The following UPRT variants were observed in gnomAD, a reference collection of about 807,000 sequenced individuals.
UPRT encodes RP11-311P8.3.
Under a neutral mutation model 22.6 loss-of-function variants are expected in UPRT, and 5 were observed. The observed-to-expected ratio is 0.22, with a 90% CI of 0.12 to 0.47. UPRT has a LOEUF of 0.47. Among genes scored for constraint, UPRT ranks in the 20% least tolerant of loss-of-function variants. UPRT has a pLI of 0.99. For missense variants in UPRT, 181 were observed against 239.9 expected (o/e 0.75, Z 1.62); for synonymous variants, 77 against 87.7 (o/e 0.88, Z 0.68).
intron 4 of UPRT, among the ~76,000 whole-genome samples, chrX:75,239,429 A>T (rs1013777896): frequency 6.3e-5 from 7 of 111,265 alleles, no homozygotes; most frequent in Non-Finnish European, 1.3e-4. Flanking sequence ...TATACCAATA[A>T]TAAGTAGCAA....
At chrX:75,191,403 C>A (rs1174330661) in intron 4 of UPRT, among the ~76,000 whole-genome samples, 2 of 111,929 alleles carry the variant, frequency 1.8e-5, no homozygotes, top group Non-Finnish European at 3.8e-5. Flanking sequence ...GGGTGCTTCC[C>A]AGTTAGGCTA....
intron 2 of UPRT, chrX:75,294,706 TA>T: frequency 1.7e-6 from 1 of 604,734 alleles, no homozygotes; most frequent in Non-Finnish European, 2.1e-6. Context: ...AGTAACAAGA[TA>T]AATGTGGTTG....
chrX:75,239,092 A>G (rs989837793), intron 4 of UPRT, among the ~76,000 whole-genome samples: 6 of 111,424 alleles, frequency 5.4e-5, no homozygotes, highest in African/African-American at 1.6e-4. Flanking sequence ...ACCCAGCAGA[A>G]GAAAAGCAGT....
Position 75,156,849 on chromosome X carries a change from GC to G in UPRT, c.-737+300del. 1.0e-5 allele frequency: 3 copies of G among 291,455 alleles called. No homozygotes were observed. The East Asian group carries it at 3.0e-4, about 29-fold the overall frequency. 24.0% of individuals were successfully genotyped at this position (291,455 alleles called of 1,213,427 possible). A position where few individuals can be genotyped will look rare whatever the true frequency, so the allele number is the denominator to read the frequency against. On this transcript the variant is annotated intron_variant, in intron 1 of 13. Transcript: ENST00000652605. ...TTAACTTTGCTGATTGTTCTCTGTT[GC>G]GCAAACCTTGGGGCAGTTTTCCTTT... is the stretch of plus-strand genomic sequence containing the variant.
chrX:75,173,175 C>T (rs966413914), intron 4 of UPRT, among the ~76,000 whole-genome samples: 1 of 112,126 alleles, frequency 8.9e-6, no homozygotes, highest in Non-Finnish European at 1.9e-5. Context: ...CACAGAGTGT[C>T]GATTGGTGCA....
intron 4 of UPRT, among the ~76,000 whole-genome samples, chrX:75,233,790 A>C (rs2082448860): frequency 9.0e-6 from 1 of 111,583 alleles, no homozygotes; most frequent in African/African-American, 3.3e-5. Context: ...AGGAAGCACT[A>C]AACATGGAAA....
At chrX:75,231,944 G>A (rs1482568820) in intron 4 of UPRT, among the ~76,000 whole-genome samples, 2 of 112,274 alleles carry the variant, frequency 1.8e-5, no homozygotes, top group Non-Finnish European at 3.8e-5. Context: ...TAGAAAGATG[G>A]CTGAATAGGA....
Position 75,299,728 on chromosome X carries a change from C to G in UPRT, c.563-7C>G, listed in dbSNP as rs930799881. On this transcript the variant is annotated splice_region_variant and splice_polypyrimidine_tract_variant and intron_variant, in intron 4 of 6. Transcript: ENST00000373383. ...TAATCTTTTTTCTTTCTTTTTTCTT[C>G]TTCAAGGTGAGGCAATGGAACAAGG... is the stretch of plus-strand genomic sequence containing the variant. 7 of 1,185,066 alleles carry G rather than the reference C, an allele frequency of 5.9e-6. No homozygotes were observed. The highest frequency in any genetic ancestry group is 7.9e-6 in the Non-Finnish European group (7 of 883,604).
chrX:75,164,169 T>C (rs1372811073), intron 3 of UPRT, among the ~76,000 whole-genome samples: 1 of 110,516 alleles, frequency 9.0e-6, no homozygotes, highest in Non-Finnish European at 1.9e-5. Context: ...AGAGCAAGTC[T>C]CCATCTCTAA....
intron 4 of UPRT, among the ~76,000 whole-genome samples, chrX:75,214,381 C>T (rs2082387285): frequency 8.9e-6 from 1 of 112,599 alleles, no homozygotes; most frequent in Non-Finnish European, 1.9e-5. Flanking sequence ...GGATAATAGG[C>T]TAAGTGAAAT....
chrX:75,166,860 ATCT>A (rs1023294687), intron 3 of UPRT, among the ~76,000 whole-genome samples: 1 of 112,073 alleles, frequency 8.9e-6, no homozygotes, highest in African/African-American at 3.2e-5. Context: ...TTTTTATTTA[ATCT>A]TCTCTTTGTG....
chrX:75,204,290 T>G (rs781757135), intron 4 of UPRT, among the ~76,000 whole-genome samples: 1 of 111,392 alleles, frequency 9.0e-6, no homozygotes, highest in Non-Finnish European at 1.9e-5. Context: ...TGGGTATATG[T>G]GGAGGAGGAG....
At chrX:75,259,751 C>T (rs751222252) in intron 4 of UPRT, among the ~76,000 whole-genome samples, 2 of 110,782 alleles carry the variant, frequency 1.8e-5, no homozygotes, top group Admixed American at 9.7e-5. Context: ...TCAGGAAGTA[C>T]GGAGAACACC....
intron 4 of UPRT, among the ~76,000 whole-genome samples, chrX:75,298,976 T>C (rs1425336283): frequency 1.8e-5 from 2 of 112,849 alleles, no homozygotes; most frequent in Non-Finnish European, 3.7e-5. Flanking sequence ...TGATATAGTT[T>C]CCTCTTAAAA....
At chrX:75,264,619 C>T (rs148987238) in intron 4 of UPRT, among the ~76,000 whole-genome samples, 2 of 108,977 alleles carry the variant, frequency 1.8e-5, no homozygotes, top group South Asian at 7.7e-4. Flanking sequence ...TTGTGTGTCA[C>T]TGATGGGTCT....
chrX:75,190,022 G>A (rs2082309199), intron 4 of UPRT, among the ~76,000 whole-genome samples: 4 of 111,849 alleles, frequency 3.6e-5, no homozygotes. Context: ...CTGTCATTGT[G>A]ATGTTAGCTA....
chrX:75,254,861 C>T (rs1041798673), intron 4 of UPRT, among the ~76,000 whole-genome samples: 18 of 107,381 alleles, frequency 1.7e-4, no homozygotes, highest in Admixed American at 4.0e-4. Context: ...CTGCAAGCTC[C>T]GCTTCCCGGG....
At chrX:75,164,055 T>C (rs1236524968) in intron 3 of UPRT, among the ~76,000 whole-genome samples, 1 of 111,325 alleles carries the variant, frequency 9.0e-6, no homozygotes, top group East Asian at 2.8e-4. Flanking sequence ...GCACATGCTT[T>C]AATCCCAGCT....
chrX:75,235,045 C>T (rs1357261901), intron 4 of UPRT, among the ~76,000 whole-genome samples: 1 of 111,203 alleles, frequency 9.0e-6, no homozygotes, highest in African/African-American at 3.3e-5. Context: ...GCTAGCAAGA[C>T]TAATACAGAA....
Sources: allele counts gnomAD v4.1 joint callset (sites outside exome capture counted in the v4.1 genomes callset), GRCh38; gene constraint gnomAD v4.1.1; transcripts MANE v1.5; gene names NCBI Gene and HGNC (gene_info 2026-07-23, HGNC 2026-07-21).